ARHGAP44: variants seen among roughly 807,000 people sequenced by gnomAD.
ARHGAP44 encodes Rho GTPase activating protein 44, also known as rho GTPase-activating protein 44.
ARHGAP44 carries 43 observed loss-of-function variants against 106.8 expected under a neutral mutation model. That is an observed-to-expected ratio of 0.40 (90% CI 0.32 to 0.52). The LOEUF (loss-of-function observed/expected upper bound fraction) is 0.52. Among genes scored for constraint, ARHGAP44 ranks in the 20% least tolerant of loss-of-function variants. The probability of loss-of-function intolerance (pLI) is 0.48; values close to 1 mark genes in which losing one functional copy is unlikely to be tolerated. For synonymous variants in ARHGAP44, 439 were observed against 410.3 expected (o/e 1.07, Z -0.85); for missense variants, 866 against 1,050.5 (o/e 0.82, Z 2.43).
chr17:12,823,947 G>A (rs1468969516), intron 1 of ARHGAP44, among the ~76,000 whole-genome samples: 1 of 152,122 alleles, frequency 6.6e-6, no homozygotes, highest in African/African-American at 2.4e-5. Context: ...GGTACATCCT[G>A]TGAGTCTTTC....
chr17:12,987,750 G>C (rs924752769), intron 20 of ARHGAP44: 1 of 152,234 alleles, frequency 6.6e-6, no homozygotes, highest in Admixed American at 6.5e-5. Context: ...CCATATCGGA[G>C]CTCATCCCGC....
intron 1 of ARHGAP44, among the ~76,000 whole-genome samples, chr17:12,886,023 T>C (rs1223639150): frequency 6.6e-6 from 1 of 152,176 alleles, no homozygotes; most frequent in African/African-American, 2.4e-5. Context: ...TTAATTTTTG[T>C]GAATTATGTA....
At chr17:12,940,583 G>A (rs975785886) in intron 7 of ARHGAP44, among the ~76,000 whole-genome samples, 2 of 152,194 alleles carry the variant, frequency 1.3e-5, no homozygotes, top group Admixed American at 1.3e-4. Flanking sequence ...CCAAATTGGT[G>A]CATTTCCATC....
intron 18 of ARHGAP44, 22 bp downstream of exon 18, chr17:12,974,332 C>G (rs1213310232): frequency 7.2e-6 from 10 of 1,386,698 alleles, no homozygotes; most frequent in African/African-American, 3.1e-5. Context: ...CCACTGCCGT[C>G]CGGGCGGGCT....
chr17:12,852,208 T>C (rs1201001493), intron 1 of ARHGAP44, among the ~76,000 whole-genome samples: 1 of 131,990 alleles, frequency 7.6e-6, no homozygotes, highest in East Asian at 2.5e-4. Flanking sequence ...ATAGGGAGGG[T>C]GGTTTTGTGT....
At position 12,971,446 on chromosome 17, in the gene ARHGAP44, T is replaced by C. The variant is rs561905005; in HGVS notation, c.1524-1856T>C. Among the ~76,000 whole-genome samples the C allele has an allele frequency of 3.3e-5, 5 of 152,326 alleles. No individual in the cohort carries two copies. In the South Asian group the frequency reaches 1.0e-3, roughly 32 times the overall value. On this transcript the variant is annotated intron_variant, in intron 16 of 20. Coordinates refer to ENST00000379672, the MANE Select transcript of ARHGAP44 (RefSeq NM_014859.6). Reference sequence around the variant, plus strand: ...TTAGGACTCCTTGTGCTGGTCACCATGTGAAACATCTCACATGCCCGAAAT... The same window carrying C: ...TTAGGACTCCTTGTGCTGGTCACCACGTGAAACATCTCACATGCCCGAAAT...
At position 12,958,803 on chromosome 17, in the gene ARHGAP44, A is replaced by G; in HGVS notation, c.1429A>G (p.Met477Val). 6.2e-7 allele frequency: 1 copy of G among 1,612,478 alleles called. No individual in the cohort carries two copies. Among genetic ancestry groups the G allele is most frequent in the Non-Finnish European group, 8.5e-7 (1 of 1,179,378 alleles). The change falls in exon 16 of 21, where the codon ATG (methionine) becomes GTG (valine). Residue 477 changes from methionine to valine, a missense_variant. This residue lies in a region of ARHGAP44 where 448 missense variants were observed against 646.9 expected (regional missense o/e 0.69). Transcript: ENST00000379672. The surrounding 1 kb of genome is among the most constrained non-coding windows in gnomAD (Gnocchi z 4.1). ...ANYSSMPSPD[M>V]DPADRRQPEQ... is the part of the protein sequence containing the mutation. The stretch of plus-strand genomic sequence containing the variant: ...CTACAGCTCAATGCCCTCCCCAGAC[A>G]TGGACCCTGCTGACCGGCGCCAGCC...
At chr17:12,811,226 T>C (rs1289780837) in intron 1 of ARHGAP44, among the ~76,000 whole-genome samples, 1 of 148,208 alleles carries the variant, frequency 6.7e-6, no homozygotes, top group Non-Finnish European at 1.5e-5. Flanking sequence ...GGCAGGAGAA[T>C]GGTGTGAGCC....
At chr17:12,956,832 C>A in intron 15 of ARHGAP44, 86 bp downstream of exon 15, 1 of 1,150,578 alleles carries the variant, frequency 8.7e-7, no homozygotes, top group Middle Eastern at 2.1e-4. Context: ...CCAAGTACCA[C>A]TGCCCACAGG....
intron 1 of ARHGAP44, among the ~76,000 whole-genome samples, chr17:12,811,506 G>A (rs2034440730): frequency 6.6e-6 from 1 of 152,098 alleles, no homozygotes; most frequent in African/African-American, 2.4e-5. Flanking sequence ...GAGGAGGCAG[G>A]ACAGGCAGGC....
Position 12,850,397 on chromosome 17 carries a change from C to T in ARHGAP44, c.54-44543C>T, listed in dbSNP as rs377764070. Among the ~76,000 whole-genome samples, 6 of 152,070 alleles carry T rather than the reference C, an allele frequency of 3.9e-5. No individual in the cohort carries two copies. The South Asian group carries it at 1.3e-3, about 32-fold the overall frequency. On this transcript the variant is annotated intron_variant, in intron 1 of 20. Coordinates refer to ENST00000379672, the MANE Select transcript of ARHGAP44 (RefSeq NM_014859.6). Reference sequence around the variant, plus strand: ...CAGAGCACCATTTTTTAAGAAATTGCGATTGCCTTACTCAGTTTCATTGGC... The same window carrying T: ...CAGAGCACCATTTTTTAAGAAATTGTGATTGCCTTACTCAGTTTCATTGGC...
Position 12,895,153 on chromosome 17 carries a change from T to C in ARHGAP44, c.93+174T>C, listed in dbSNP as rs539709832. Among the ~76,000 whole-genome samples the C allele has an allele frequency of 2.2e-4, 34 of 151,360 alleles. No individual in the cohort carries two copies. In the South Asian group the frequency reaches 6.5e-3, roughly 29 times the overall value. On this transcript the variant is annotated intron_variant, in intron 2 of 20. Coordinates refer to ENST00000379672, the MANE Select transcript of ARHGAP44 (RefSeq NM_014859.6). ...TCAAAACAAACAAAAAACAAACAAATAAAAAAACAAACAACCAAAAAAACC... is the reference window on the plus strand; with the variant it reads ...TCAAAACAAACAAAAAACAAACAAACAAAAAAACAAACAACCAAAAAAACC...
intron 9 of ARHGAP44, 110 bp downstream of exon 9, chr17:12,943,779 C>A: frequency 8.4e-7 from 1 of 1,194,488 alleles, no homozygotes; most frequent in Non-Finnish European, 1.2e-6. Context: ...CCAACAGCAT[C>A]ACCTGTAGAT....
chr17:12,947,902 T>A (rs562298650), intron 10 of ARHGAP44, among the ~76,000 whole-genome samples: 1 of 152,336 alleles, frequency 6.6e-6, no homozygotes, highest in Non-Finnish European at 1.5e-5. Context: ...GTGTATCTGA[T>A]GTACCCTATA....
chr17:12,889,990 G>C (rs9914678), intron 1 of ARHGAP44, among the ~76,000 whole-genome samples: 30,195 of 152,148 alleles, frequency 0.2, 3,747 homozygotes, highest in East Asian at 0.44. Context: ...TACTGGGGTG[G>C]AGGTTTTGAC....
At chr17:12,988,945 AAATT>A (rs1450070297) in intron 20 of ARHGAP44, 2 of 150,412 alleles carry the variant, frequency 1.3e-5, no homozygotes, top group African/African-American at 2.4e-5. Flanking sequence ...AAAAAAAAAA[AAATT>A]AGCCGGGCAT....
At chr17:12,932,583 G>A (rs891376917) in intron 7 of ARHGAP44, among the ~76,000 whole-genome samples, 1 of 152,044 alleles carries the variant, frequency 6.6e-6, no homozygotes, top group African/African-American at 2.4e-5. Context: ...CTACACAAAA[G>A]TTAAATGATT....
intron 1 of ARHGAP44, among the ~76,000 whole-genome samples, chr17:12,836,119 C>T (rs2035229905): frequency 1.3e-5 from 2 of 152,094 alleles, no homozygotes; most frequent in African/African-American, 4.8e-5. Context: ...AATCTCTCTT[C>T]CAGATCCTGC....
At chr17:12,917,842 C>G (rs1236391455) in intron 5 of ARHGAP44, among the ~76,000 whole-genome samples, 2 of 152,148 alleles carry the variant, frequency 1.3e-5, no homozygotes, top group African/African-American at 4.8e-5. Flanking sequence ...TTTAGAATTT[C>G]ATAGCTACGT....
Sources: allele counts gnomAD v4.1 joint callset (sites outside exome capture counted in the v4.1 genomes callset), GRCh38; gene constraint gnomAD v4.1.1; regional missense constraint gnomAD v4.1.1; non-coding constraint Gnocchi (gnomAD v3.1); transcripts MANE v1.5; gene names NCBI Gene and HGNC (gene_info 2026-07-23, HGNC 2026-07-21).